Variants in GALNT18 observed in about 807,000 individuals in gnomAD.
The protein encoded by GALNT18 is polypeptide N-acetylgalactosaminyltransferase 18, also known as GalNAc-transferase 18.
A neutral mutation model predicts 69.5 loss-of-function variants in GALNT18; 44 were observed. That is an observed-to-expected ratio of 0.63 (90% CI 0.50 to 0.81). GALNT18 has a LOEUF of 0.81. GALNT18 is among the 40% of genes least tolerant of loss of function. The pLI, the probability that GALNT18 is intolerant of heterozygous loss-of-function variation, is 0.00. For synonymous variants in GALNT18, 364 were observed against 318.2 expected, an observed-to-expected ratio of 1.14 and a Z score of -1.53; for missense variants, 715 against 810.0, an observed-to-expected ratio of 0.88 and a Z score of 1.42.
At chr11:11,520,053 C>G (rs1208286175) in intron 1 of GALNT18, among the ~76,000 whole-genome samples, 3 of 152,222 alleles carry the variant, frequency 2.0e-5, no homozygotes, top group African/African-American at 7.2e-5. Context: ...CACTGGGGAG[C>G]AGGAGCACAA....
chr11:11,541,817 G>A lies in GALNT18; in HGVS notation c.235+79542C>T, dbSNP rs991571872. Among the ~76,000 whole-genome samples, 13 of 152,266 alleles carry A rather than the reference G, an allele frequency of 8.5e-5. No individual in the cohort carries two copies. The highest frequency in any genetic ancestry group is 5.9e-4 in the Admixed American group (9 of 15,304). On this transcript the variant is annotated intron_variant, in intron 1 of 10. Transcript: ENST00000227756. This position sits in a 1 kb window ranked among gnomAD's most constrained non-coding sequence, Gnocchi z 4.8. ...CTTTCCACGTGAGCCTAGGGCACAA[G>A]CCAAGCCCAGAAGCCTCTCCCGAAG...
intron 3 of GALNT18, 125 bp from the exon 4 acceptor site, chr11:11,379,389 G>A: frequency 1.1e-6 from 1 of 907,144 alleles, no homozygotes. Context: ...CCCCTCCCTG[G>A]GTCTTCTTCA....
rs1855482375 is a variant in GALNT18, at chr11:11,439,264, G to C, written c.429-6477C>G. 6.6e-6 allele frequency among the ~76,000 whole-genome samples: 1 copy of C among 152,150 alleles called. No individual in the cohort carries two copies. The highest frequency in any genetic ancestry group is 1.5e-5 in the Non-Finnish European group (1 of 68,038). ...CACTGTTAGAAACACAGCAGAAGTG[G>C]GGCAAAGAGGATGGCAGGCTGGAGC... is the stretch of plus-strand genomic sequence containing the variant. On this transcript the variant is annotated intron_variant, in intron 2 of 10. Coordinates refer to ENST00000227756, the MANE Select transcript of GALNT18 (RefSeq NM_198516.3). The surrounding 1 kb of genome is among the most constrained non-coding windows in gnomAD (Gnocchi z 4.4).
chr11:11,552,721 C>T (rs2133971266), intron 1 of GALNT18, among the ~76,000 whole-genome samples: 1 of 152,318 alleles, frequency 6.6e-6, no homozygotes, highest in East Asian at 1.9e-4. Flanking sequence ...GTGATTCCCA[C>T]AGACCCCACA....
At chr11:11,571,350 C>T (rs940108308) in intron 1 of GALNT18, among the ~76,000 whole-genome samples, 11 of 152,184 alleles carry the variant, frequency 7.2e-5, no homozygotes, top group African/African-American at 2.2e-4. Flanking sequence ...AACAGAAAAC[C>T]AATGAGTCTG....
intron 1 of GALNT18, among the ~76,000 whole-genome samples, chr11:11,482,678 C>T (rs1011187252): frequency 5.9e-5 from 9 of 152,198 alleles, no homozygotes; most frequent in Admixed American, 3.3e-4. Flanking sequence ...TGATTGCAAA[C>T]GTGTTAAGAA....
intron 1 of GALNT18, among the ~76,000 whole-genome samples, chr11:11,502,101 G>A (rs543185192): frequency 6.6e-6 from 1 of 152,200 alleles, no homozygotes; most frequent in Non-Finnish European, 1.5e-5. Flanking sequence ...CCACAGTGCT[G>A]AGTGTAGAGC....
intron 9 of GALNT18, among the ~76,000 whole-genome samples, chr11:11,301,998 G>A (rs1416748549): frequency 6.6e-6 from 1 of 152,242 alleles, no homozygotes; most frequent in African/African-American, 2.4e-5. Flanking sequence ...CCTAAAGAGA[G>A]AGTAGTTTGC....
At chr11:11,580,795 A>G (rs977541307) in intron 1 of GALNT18, among the ~76,000 whole-genome samples, 1 of 152,224 alleles carries the variant, frequency 6.6e-6, no homozygotes, top group Non-Finnish European at 1.5e-5. Context: ...ATTAGGGCAG[A>G]GGATGGACAG....
chr11:11,609,599 C>T (rs762877595), intron 1 of GALNT18, among the ~76,000 whole-genome samples: 7 of 152,174 alleles, frequency 4.6e-5, no homozygotes, highest in South Asian at 4.1e-4. Context: ...AAGAAGGCAG[C>T]GGTACACCCC....
At position 11,535,013 on chromosome 11, in the gene GALNT18, T is replaced by A. The variant is rs559632729; in HGVS notation, c.236-86077A>T. 1.3e-4 allele frequency among the ~76,000 whole-genome samples: 20 copies of A among 152,376 alleles called. No individual in the cohort carries two copies. In the East Asian group the frequency reaches 3.5e-3, roughly 26 times the overall value. ...CTGGCTCCACTACTGTCTTGCTGAGTGACCACAGGCAAAGCTGTTAGCCTC... is the reference window on the plus strand; with the variant it reads ...CTGGCTCCACTACTGTCTTGCTGAGAGACCACAGGCAAAGCTGTTAGCCTC... On this transcript the variant is annotated intron_variant, in intron 1 of 10. Transcript: ENST00000227756.
At chr11:11,321,954 G>C (rs761648885) in intron 9 of GALNT18, among the ~76,000 whole-genome samples, 7 of 152,206 alleles carry the variant, frequency 4.6e-5, no homozygotes, top group Non-Finnish European at 8.8e-5. Context: ...TGGCACCATG[G>C]GGTCAAGGAG....
chr11:11,391,559 T>G (rs1325791601), intron 3 of GALNT18, among the ~76,000 whole-genome samples: 1 of 152,262 alleles, frequency 6.6e-6, no homozygotes, highest in Admixed American at 6.5e-5. Flanking sequence ...CTTTCTGATT[T>G]AAGGCAGATG....
chr11:11,473,076 C>T (rs1422813656), intron 1 of GALNT18, among the ~76,000 whole-genome samples: 2 of 152,190 alleles, frequency 1.3e-5, no homozygotes, highest in Non-Finnish European at 2.9e-5. Context: ...CTGCCCTATC[C>T]CACTTACTGC....
chr11:11,450,673 C>T (rs1321595448), intron 1 of GALNT18, among the ~76,000 whole-genome samples: 1 of 152,218 alleles, frequency 6.6e-6, no homozygotes, highest in African/African-American at 2.4e-5. Flanking sequence ...TGGGACACCC[C>T]TGTAACTCTT....
chr11:11,604,545 G>C lies in GALNT18; in HGVS notation c.235+16814C>G, dbSNP rs1351260042. Among the ~76,000 whole-genome samples, 1 of 152,214 alleles carries C rather than the reference G, an allele frequency of 6.6e-6. No homozygotes were observed. Among genetic ancestry groups the C allele is most frequent in the Non-Finnish European group, 1.5e-5 (1 of 68,042 alleles). On this transcript the variant is annotated intron_variant, in intron 1 of 10. Coordinates refer to ENST00000227756, the MANE Select transcript of GALNT18 (RefSeq NM_198516.3). This position sits in a 1 kb window ranked among gnomAD's most constrained non-coding sequence, Gnocchi z 5.6. ...TTTGAGGCAAGTCCAAGTGACTCCA[G>C]ACCCCGCCTGGCACCAAGTCTGCAT...
rs1859121494 is a variant in GALNT18, at chr11:11,582,927, T to C, written c.235+38432A>G. Reference sequence around the variant, plus strand: ...TGCCACACACACCCCACAGAAGTGGTTGTCATGGTCCTGCAGAGAGGAAGA... The same window carrying C: ...TGCCACACACACCCCACAGAAGTGGCTGTCATGGTCCTGCAGAGAGGAAGA... On this transcript the variant is annotated intron_variant, in intron 1 of 10. Coordinates refer to ENST00000227756, the MANE Select transcript of GALNT18 (RefSeq NM_198516.3). This position sits in a 1 kb window ranked among gnomAD's most constrained non-coding sequence, Gnocchi z 5.0. Among the ~76,000 whole-genome samples, 1 of 152,070 alleles carries C rather than the reference T, an allele frequency of 6.6e-6. No homozygotes were observed. The highest frequency in any genetic ancestry group is 1.5e-5 in the Non-Finnish European group (1 of 68,000).
intron 1 of GALNT18, among the ~76,000 whole-genome samples, chr11:11,557,005 G>T (rs1183805187): frequency 2.0e-5 from 3 of 152,166 alleles, no homozygotes; most frequent in African/African-American, 7.2e-5. Flanking sequence ...AGGCCCATGG[G>T]TCTCAGTGAG....
intron 1 of GALNT18, among the ~76,000 whole-genome samples, chr11:11,576,479 T>C (rs1171379392): frequency 6.6e-6 from 1 of 152,234 alleles, no homozygotes; most frequent in African/African-American, 2.4e-5. Flanking sequence ...TTAACATTTG[T>C]TGAAATGTTC....
Sources: gnomAD v4.1 joint callset for allele counts (sites outside exome capture counted in the v4.1 genomes callset) on GRCh38, gnomAD v4.1.1 for gene constraint, Gnocchi (gnomAD v3.1) non-coding constraint, MANE v1.5 for transcripts, NCBI Gene and HGNC (gene_info 2026-07-23, HGNC 2026-07-21) for gene names.